ADAMTS12: variants seen among roughly 807,000 people sequenced by gnomAD.
ADAMTS12 encodes ADAM metallopeptidase with thrombospondin type 1 motif 12, also known as A disintegrin and metalloproteinase with thrombospondin motifs 12.
ADAMTS12 carries 118 observed loss-of-function variants against 167.8 expected under a neutral mutation model. The ratio of observed to expected loss-of-function variants is 0.70; its 90% confidence interval spans 0.61 to 0.82. The LOEUF is 0.82. Among genes scored for constraint, ADAMTS12 ranks in the 40% least tolerant of loss-of-function variants. The pLI, the probability that ADAMTS12 is intolerant of heterozygous loss-of-function variation, is 0.00. For synonymous variants in ADAMTS12, 704 were observed against 716.9 expected (o/e 0.98, Z 0.29); for missense variants, 1,916 against 1,998.8 (o/e 0.96, Z 0.79).
intron 19 of ADAMTS12, among the ~76,000 whole-genome samples, chr5:33,569,931 A>G (rs1046925067): frequency 3.3e-5 from 5 of 152,236 alleles, no homozygotes; most frequent in African/African-American, 1.2e-4. Flanking sequence ...GCCAAGGCTC[A>G]AGAACTACGT....
At chr5:33,616,350 T>C (rs1391261033) in intron 14 of ADAMTS12, among the ~76,000 whole-genome samples, 4 of 152,226 alleles carry the variant, frequency 2.6e-5, no homozygotes, top group African/African-American at 9.7e-5. Context: ...GTGGTTGATC[T>C]AGCATTTATT....
At chr5:33,598,523 A>G (rs1287044248) in intron 16 of ADAMTS12, among the ~76,000 whole-genome samples, 1 of 152,198 alleles carries the variant, frequency 6.6e-6, no homozygotes, top group Non-Finnish European at 1.5e-5. Flanking sequence ...ATGCTGTTGG[A>G]GGGCAGGAAG....
chr5:33,713,752 G>T (rs1490042987), intron 3 of ADAMTS12, among the ~76,000 whole-genome samples: 1 of 152,086 alleles, frequency 6.6e-6, no homozygotes, highest in Non-Finnish European at 1.5e-5. Context: ...CACAAAGTTG[G>T]CTCTAGTTCT....
At chr5:33,774,377 T>C (rs1745842650) in intron 2 of ADAMTS12, among the ~76,000 whole-genome samples, 1 of 152,148 alleles carries the variant, frequency 6.6e-6, no homozygotes, top group African/African-American at 2.4e-5. Context: ...TTTGCTTATA[T>C]ATATGTGAAC....
chr5:33,887,169 AAAT>A lies in ADAMTS12; in HGVS notation c.127+4558_127+4560del, dbSNP rs575841200. Among the ~76,000 whole-genome samples the A allele has an allele frequency of 1.2e-4, 17 of 147,522 alleles. No homozygotes were observed. In the East Asian group the frequency reaches 3.3e-3, roughly 28 times the overall value. On this transcript the variant is annotated intron_variant, in intron 1 of 23. Transcript: ENST00000504830. ...CAGCGATGGAGAAATAGGTGTCAAG[AAAT>A]AATAATAGCTCCTAATTTTTATCAT...
At chr5:33,831,248 C>T (rs551076189) in intron 2 of ADAMTS12, among the ~76,000 whole-genome samples, 35 of 152,244 alleles carry the variant, frequency 2.3e-4, no homozygotes, top group African/African-American at 8.2e-4. Flanking sequence ...AATTTATATC[C>T]CTTATTAAAG....
chr5:33,588,809 C>T lies in ADAMTS12; in HGVS notation c.2655G>A (p.Arg885=), dbSNP rs149530928. 9.4e-5 allele frequency: 151 copies of T among 1,612,898 alleles called. No individual in the cohort carries two copies. In the African/African-American group the frequency reaches 1.8e-3, roughly 19 times the overall value. ...ATGCTTCCCACTCCCCTGCCCACCA[C>T]CTGCAGGCAAACATGGATATGTGAG... ...KKCHEKACPP[R]WWAGEWEACS... Residue 885 remains arginine (R), a splice_region_variant and synonymous_variant, in exon 18 of 24, where the codon AGG becomes AGA. Transcript: ENST00000504830.
intron 3 of ADAMTS12, among the ~76,000 whole-genome samples, chr5:33,746,266 T>TA (rs1242126222): frequency 2.0e-5 from 3 of 152,202 alleles, no homozygotes; most frequent in Non-Finnish European, 4.4e-5. Context: ...GGTGGTCACT[T>TA]AGAATCTTCA....
At chr5:33,606,353 C>G (rs1270082712) in intron 16 of ADAMTS12, among the ~76,000 whole-genome samples, 2 of 152,148 alleles carry the variant, frequency 1.3e-5, no homozygotes, top group Non-Finnish European at 2.9e-5. Context: ...TATACAATTG[C>G]AGGAGACACT....
chr5:33,833,640 A>T (rs1748393294), intron 2 of ADAMTS12, among the ~76,000 whole-genome samples: 1 of 152,168 alleles, frequency 6.6e-6, no homozygotes, highest in Non-Finnish European at 1.5e-5. Flanking sequence ...TCAACCAAGG[A>T]AGAAAAAAAG....
chr5:33,533,174 G>A (rs768433238), intron 23 of ADAMTS12, among the ~76,000 whole-genome samples: 25 of 152,246 alleles, frequency 1.6e-4, no homozygotes, highest in Middle Eastern at 6.8e-3. Flanking sequence ...AGATTTTATT[G>A]TCCAGCAATA....
In ADAMTS12 at chr5:33,615,912, T is replaced by C. The variant is rs1364250843; in HGVS notation, c.2304A>G (p.Ala768=). Residue 768 remains alanine, a synonymous_variant, in exon 15 of 24, where the codon GCA becomes GCG. Transcript: ENST00000504830. ...TCCTGTCATACTGAAAGACAGTCCC[T>C]GCCAGCTTATAGTTCCCGTTCCACT... ...IIQWNGNYKL[A]GTVFQYDRKG... 6.2e-7 allele frequency: 1 copy of C among 1,614,168 alleles called. No homozygotes were observed.
At chr5:33,799,295 C>T (rs534604334) in intron 2 of ADAMTS12, among the ~76,000 whole-genome samples, 7 of 152,092 alleles carry the variant, frequency 4.6e-5, no homozygotes, top group Non-Finnish European at 1.0e-4. Context: ...AAATAAAATC[C>T]CAACCTTCTT....
intron 3 of ADAMTS12, among the ~76,000 whole-genome samples, chr5:33,740,427 G>A (rs1744525094): frequency 2.0e-5 from 3 of 152,184 alleles, no homozygotes; most frequent in African/African-American, 7.2e-5. Flanking sequence ...AGGGAGGTTA[G>A]TCTTCCCCTT....
At chr5:33,644,279 G>A (rs1740581270) in intron 9 of ADAMTS12, among the ~76,000 whole-genome samples, 1 of 152,070 alleles carries the variant, frequency 6.6e-6, no homozygotes, top group African/African-American at 2.4e-5. Context: ...TGTACTTTGT[G>A]TTTCAACCTC....
At chr5:33,691,303 T>G (rs1742539533) in intron 3 of ADAMTS12, among the ~76,000 whole-genome samples, 1 of 152,228 alleles carries the variant, frequency 6.6e-6, no homozygotes, top group African/African-American at 2.4e-5. Flanking sequence ...AGAGCTCCCA[T>G]TAATACCTAG....
At chr5:33,756,251 G>C (rs1745163213) in intron 2 of ADAMTS12, among the ~76,000 whole-genome samples, 1 of 152,214 alleles carries the variant, frequency 6.6e-6, no homozygotes, top group Non-Finnish European at 1.5e-5. Context: ...GCCCAGACCT[G>C]AAGTCCTGTG....
chr5:33,536,896 G>A (rs751780530), intron 22 of ADAMTS12, among the ~76,000 whole-genome samples: 3 of 152,158 alleles, frequency 2.0e-5, no homozygotes, highest in Non-Finnish European at 4.4e-5. Context: ...TCTTTTCGAG[G>A]TCATGTTTGC....
intron 2 of ADAMTS12, among the ~76,000 whole-genome samples, chr5:33,812,213 C>T (rs1268116605): frequency 1.3e-5 from 2 of 152,098 alleles, no homozygotes; most frequent in African/African-American, 4.8e-5. Flanking sequence ...CACTTGAGCC[C>T]AGGGAGTCAA....
Sources: gnomAD v4.1 joint callset for allele counts (sites outside exome capture counted in the v4.1 genomes callset) on GRCh38, gnomAD v4.1.1 for gene constraint, MANE v1.5 for transcripts, NCBI Gene and HGNC (gene_info 2026-07-23, HGNC 2026-07-21) for gene names.